VPS41: variants seen among roughly 807,000 people sequenced by gnomAD.
The protein encoded by VPS41 is VPS41 subunit of HOPS complex.
A neutral mutation model predicts 130.9 loss-of-function variants in VPS41; 85 were observed. The ratio of observed to expected loss-of-function variants is 0.65; its 90% CI spans 0.55 to 0.78. The LOEUF is 0.78. Among genes scored for constraint, VPS41 ranks in the 30% least tolerant of loss-of-function variants. The pLI is 0.00. For synonymous variants in VPS41, 335 were observed against 332.9 expected, an observed-to-expected ratio of 1.01 and a Z score of -0.07; for missense variants, 874 against 1,018.7, an observed-to-expected ratio of 0.86 and a Z score of 1.93.
intron 5 of VPS41, among the ~76,000 whole-genome samples, chr7:38,829,177 G>A (rs912126246): frequency 6.6e-6 from 1 of 152,134 alleles, no homozygotes; most frequent in East Asian, 1.9e-4. Context: ...TGAAAGTACT[G>A]TAAAATTTGA....
At chr7:38,834,278 C>A (rs1281250404) in intron 4 of VPS41, among the ~76,000 whole-genome samples, 1 of 152,094 alleles carries the variant, frequency 6.6e-6, no homozygotes, top group Non-Finnish European at 1.5e-5. Context: ...GAACATTTCT[C>A]CATTTATTTA....
Position 38,726,302 on chromosome 7 carries a change from T to C in VPS41, c.2509A>G (p.Ile837Val). The C allele has an allele frequency of 6.2e-7, 1 of 1,608,448 alleles. No individual in the cohort carries two copies. The highest frequency in any genetic ancestry group is 8.5e-7 in the Non-Finnish European group (1 of 1,176,228). The change falls in exon 29 of 29, where the codon ATC becomes GTC. Residue 837 changes from isoleucine to valine, a missense_variant. Transcript: ENST00000310301. Reference protein sequence around the residue: ...SMNSAAQFCNICSAKNRGPGS... With the variant: ...SMNSAAQFCNVCSAKNRGPGS... ...GGTCCACGGTTCTTAGCACTGCAGA[T>C]GTTGCAGAACTGTGCAGCAGAGTTC...
At chr7:38,786,613 GTTCTT>G (rs1784443752) in intron 10 of VPS41, among the ~76,000 whole-genome samples, 1 of 151,956 alleles carries the variant, frequency 6.6e-6, no homozygotes, top group Non-Finnish European at 1.5e-5. Context: ...TCACTACAAA[GTTCTT>G]TTCTTTAATG....
chr7:38,836,145 T>C (rs886378415), intron 4 of VPS41, among the ~76,000 whole-genome samples: 1 of 152,078 alleles, frequency 6.6e-6, no homozygotes, highest in Non-Finnish European at 1.5e-5. Flanking sequence ...TATTTTATAG[T>C]TTTTATGTTT....
chr7:38,737,995 C>T (rs1289446834), intron 25 of VPS41, among the ~76,000 whole-genome samples: 1 of 152,166 alleles, frequency 6.6e-6, no homozygotes, highest in East Asian at 1.9e-4. Flanking sequence ...GCCCCTGCTC[C>T]CTTTTATTTT....
intron 10 of VPS41, among the ~76,000 whole-genome samples, chr7:38,780,030 C>CGT (rs1784327846): frequency 6.6e-6 from 1 of 152,088 alleles, no homozygotes. Flanking sequence ...AGTTTGAATA[C>CGT]AGGTGGCTGT....
intron 17 of VPS41, among the ~76,000 whole-genome samples, chr7:38,762,529 T>C (rs923957167): frequency 2.0e-5 from 3 of 152,182 alleles, no homozygotes; most frequent in African/African-American, 7.2e-5. Context: ...CAATATTACT[T>C]CATGTCTTTT....
intron 25 of VPS41, among the ~76,000 whole-genome samples, chr7:38,736,009 A>G (rs942776187): frequency 6.6e-6 from 1 of 152,238 alleles, no homozygotes; most frequent in Non-Finnish European, 1.5e-5. Context: ...AAAAACCGTG[A>G]AAAATAAACC....
intron 2 of VPS41, among the ~76,000 whole-genome samples, chr7:38,878,607 A>T (rs1375584871): frequency 6.6e-6 from 1 of 152,236 alleles, no homozygotes; most frequent in African/African-American, 2.4e-5. Context: ...AAGATCAAAT[A>T]TTGCAAAAAC....
intron 5 of VPS41, among the ~76,000 whole-genome samples, chr7:38,827,862 C>T (rs534851685): frequency 2.6e-4 from 39 of 152,196 alleles, no homozygotes; most frequent in African/African-American, 7.9e-4. Context: ...AAAGGACTGA[C>T]GGTACTCCAG....
At chr7:38,771,864 T>C (rs566503669) in intron 13 of VPS41, among the ~76,000 whole-genome samples, 8 of 152,282 alleles carry the variant, frequency 5.3e-5, no homozygotes, top group East Asian at 1.9e-4. Context: ...TAGGTATCGA[T>C]ACCTGGACTT....
At chr7:38,903,262 T>C (rs1017779664) in intron 1 of VPS41, among the ~76,000 whole-genome samples, 2 of 152,116 alleles carry the variant, frequency 1.3e-5, no homozygotes, top group African/African-American at 4.8e-5. Context: ...CCCATCAGCA[T>C]AGAACCCTAT....
intron 9 of VPS41, among the ~76,000 whole-genome samples, chr7:38,792,898 C>T (rs1784559455): frequency 6.6e-6 from 1 of 152,100 alleles, no homozygotes; most frequent in Non-Finnish European, 1.5e-5. Flanking sequence ...TGCTGTTCCT[C>T]AAAAGCACAC....
At chr7:38,727,333 TA>T (rs1330024462) in intron 27 of VPS41, 1 of 160,884 alleles carries the variant, frequency 6.2e-6, no homozygotes, top group Non-Finnish European at 1.4e-5. Flanking sequence ...TGTGGCTTCA[TA>T]AAAATGCTTT....
chr7:38,781,143 G>A (rs1041663248), intron 10 of VPS41, among the ~76,000 whole-genome samples: 1 of 152,030 alleles, frequency 6.6e-6, no homozygotes, highest in Non-Finnish European at 1.5e-5. Context: ...ACTACACCAC[G>A]ATAAAGAGTT....
intron 1 of VPS41, among the ~76,000 whole-genome samples, chr7:38,906,532 T>G (rs1371533781): frequency 6.6e-6 from 1 of 152,000 alleles, no homozygotes; most frequent in Admixed American, 6.5e-5. Context: ...AGAGATAGGG[T>G]TTTGCTATGT....
At chr7:38,872,879 G>A (rs185651880) in intron 2 of VPS41, among the ~76,000 whole-genome samples, 5 of 152,294 alleles carry the variant, frequency 3.3e-5, no homozygotes, top group African/African-American at 1.2e-4. Context: ...TGTGCATTCT[G>A]AAGTAAACAT....
intron 17 of VPS41, among the ~76,000 whole-genome samples, chr7:38,760,916 G>A (rs1050636137): frequency 2.0e-5 from 3 of 152,134 alleles, no homozygotes; most frequent in African/African-American, 7.2e-5. Context: ...AAAAGAATCA[G>A]TAATATAGTT....
chr7:38,815,703 G>A (rs2116089762), intron 7 of VPS41, among the ~76,000 whole-genome samples: 1 of 152,234 alleles, frequency 6.6e-6, no homozygotes, highest in Admixed American at 6.5e-5. Context: ...GGCCAGGATG[G>A]CCAGAATAAA....
Sources: gnomAD v4.1 joint callset for allele counts (sites outside exome capture counted in the v4.1 genomes callset) on GRCh38, gnomAD v4.1.1 for gene constraint, MANE v1.5 for transcripts, NCBI Gene and HGNC (gene_info 2026-07-23, HGNC 2026-07-21) for gene names.